The following NEB variants were observed in gnomAD, a reference collection of about 807,000 sequenced individuals.
The protein encoded by NEB is nebulin.
Under a neutral mutation model 952.2 loss-of-function variants are expected in NEB, and 512 were observed. That is an observed-to-expected ratio of 0.54 (90% CI 0.50 to 0.58). NEB has a LOEUF of 0.58. NEB is among the 20% of genes least tolerant of loss of function. The pLI is 0.00. For synonymous variants in NEB, 2,900 were observed against 3,149.8 expected, an observed-to-expected ratio of 0.92 and a Z score of 2.66; for missense variants, 8,428 against 9,231.1, an observed-to-expected ratio of 0.91 and a Z score of 3.56.
intron 23 of NEB, 139 bp from the exon 24 acceptor site, chr2:151,690,964 T>C: frequency 1.5e-6 from 1 of 650,894 alleles, no homozygotes. Context: ...TTCTCACTTC[T>C]CTGTCTGTCT....
intron 13 of NEB, 143 bp downstream of exon 13, chr2:151,706,738 G>A (rs2099708118): frequency 3.1e-6 from 2 of 647,268 alleles, no homozygotes; most frequent in Non-Finnish European, 5.4e-6. Flanking sequence ...ATGCCTTTCT[G>A]TGGTTACATA....
chr2:151,518,348 G>A lies in NEB; in HGVS notation c.22770C>T (p.His7590=), dbSNP rs1350349728. The change falls in exon 156 of 182, where the codon CAC becomes CAT. Residue 7590 remains histidine, a synonymous_variant. Coordinates refer to ENST00000397345, the MANE Select transcript of NEB (RefSeq NM_001164508.2). ...TCTGTAATTCTGTGGCCTCTTTTAG[G>A]TGAAGCTGCTCCAGATTATCGGGTA... ...HTIPDNLEQL[H]LKEATELQSI... The A allele has an allele frequency of 6.2e-7, 1 of 1,610,864 alleles. No homozygotes were observed. Among genetic ancestry groups the A allele is most frequent in the South Asian group, 1.1e-5 (1 of 90,986 alleles).
At chr2:151,562,338 C>A in intron 120 of NEB, 124 bp from the exon 121 acceptor site, 1 of 863,360 alleles carries the variant, frequency 1.2e-6, no homozygotes, top group Non-Finnish European at 1.9e-6. Context: ...GGCCTCTCAC[C>A]AGCTGGAAGG....
chr2:151,618,355 G>T lies in NEB; in HGVS notation c.10996C>A (p.Pro3666Thr). 6.2e-7 allele frequency: 1 copy of T among 1,613,950 alleles called. No homozygotes were observed. Among genetic ancestry groups the T allele is most frequent in the Non-Finnish European group, 8.5e-7 (1 of 1,179,842 alleles). The part of the protein sequence containing the change: ...LLSDTIYRQR[P>T]ETLKFTSITD... ...ATACTGGTAAATTTCAGCGTTTCTG[G>T]ACGCTGACGGTAGATAGTATCACTA... Residue 3666 changes from proline (P) to threonine (T), a missense_variant, in exon 74 of 182, where the codon CCA (proline) becomes ACA (threonine). Physicochemically the swap from Pro to Thr is conservative, Grantham distance 38. Around this residue, in one of 11 missense-constraint regions of NEB, gnomAD observed 1,772 missense variants for 1,960.3 expected, o/e 0.90. Coordinates refer to ENST00000397345, the MANE Select transcript of NEB (RefSeq NM_001164508.2).
intron 39 of NEB, among the ~76,000 whole-genome samples, chr2:151,668,758 T>G (rs2099250564): frequency 6.6e-6 from 1 of 152,220 alleles, no homozygotes; most frequent in South Asian, 2.1e-4. Flanking sequence ...CTTGTCTGTC[T>G]CATGTTCCAT....
At chr2:151,572,538 G>GTA (rs771548121) in intron 107 of NEB, among the ~76,000 whole-genome samples, 59 of 139,960 alleles carry the variant, frequency 4.2e-4, no homozygotes, top group African/African-American at 1.1e-3. Flanking sequence ...ATATATAAAA[G>GTA]TATATATATA....
At chr2:151,688,994 A>G (rs1435101423) in intron 24 of NEB, among the ~76,000 whole-genome samples, 1 of 151,992 alleles carries the variant, frequency 6.6e-6, no homozygotes, top group African/African-American at 2.4e-5. Flanking sequence ...GGAAAGCAAA[A>G]CCGTGGATAA....
chr2:151,647,576 T>G (rs1269639032), intron 54 of NEB, among the ~76,000 whole-genome samples: 1 of 152,204 alleles, frequency 6.6e-6, no homozygotes, highest in Non-Finnish European at 1.5e-5. Flanking sequence ...AACAAATTGA[T>G]ATCCTGTGCC....
At chr2:151,620,567 G>C (rs1052729823) in intron 72 of NEB, among the ~76,000 whole-genome samples, 1 of 151,750 alleles carries the variant, frequency 6.6e-6, no homozygotes, top group East Asian at 1.9e-4. Context: ...TTCAAGTGAT[G>C]GGGCAAACTC....
In NEB at chr2:151,684,134, A is replaced by G. The variant is rs186881590; in HGVS notation, c.2835+644T>C. ...CTGGGAAGATGAAAAGGCTCTGCAGATTGGTTGTACAACAATGTTAATATA... is the reference window on the plus strand; with the variant it reads ...CTGGGAAGATGAAAAGGCTCTGCAGGTTGGTTGTACAACAATGTTAATATA... On this transcript the variant is annotated intron_variant, in intron 28 of 181. Coordinates refer to ENST00000397345, the MANE Select transcript of NEB (RefSeq NM_001164508.2). Among the ~76,000 whole-genome samples the G allele has an allele frequency of 2.0e-5, 3 of 152,322 alleles. No homozygotes were observed. In the East Asian group the frequency reaches 5.8e-4, roughly 29 times the overall value.
chr2:151,560,205 T>C (rs555610870), intron 124 of NEB, among the ~76,000 whole-genome samples: 6 of 152,360 alleles, frequency 3.9e-5, no homozygotes, highest in African/African-American at 7.2e-5. Flanking sequence ...GATGGTATAA[T>C]AACCGGTTAT....
chr2:151,561,120 C>T lies in NEB; in HGVS notation c.19102-12G>A. ...TCTTTATATTTTACCTGTAGACAAG[C>T]AACAATAGGTTATTCACCTCTGTTG... On this transcript the variant is annotated splice_polypyrimidine_tract_variant and intron_variant, in intron 122 of 181. Transcript: ENST00000397345. 1.3e-6 allele frequency: 2 copies of T among 1,564,612 alleles called. No individual in the cohort carries two copies. Among genetic ancestry groups the T allele is most frequent in the Non-Finnish European group, 1.8e-6 (2 of 1,141,608 alleles).
intron 107 of NEB, among the ~76,000 whole-genome samples, chr2:151,572,382 T>C (rs2096661118): frequency 6.6e-6 from 1 of 151,432 alleles, no homozygotes. Context: ...TGCAAACGTG[T>C]ATTATGTTAT....
At chr2:151,631,890 T>C (rs2098674565) in intron 65 of NEB, among the ~76,000 whole-genome samples, 1 of 152,222 alleles carries the variant, frequency 6.6e-6, no homozygotes, top group Non-Finnish European at 1.5e-5. Flanking sequence ...TGGATTCTTA[T>C]TCCCTGCGAT....
chr2:151,518,451 T>C, intron 155 of NEB, 29 bp from the exon 156 acceptor site: 2 of 1,351,522 alleles, frequency 1.5e-6, no homozygotes, highest in East Asian at 2.3e-5. Context: ...AAAAGGCACA[T>C]TGATGGAGAA....
chr2:151,649,534 T>C (rs758956323), intron 54 of NEB, among the ~76,000 whole-genome samples: 6 of 152,206 alleles, frequency 3.9e-5, no homozygotes, highest in Non-Finnish European at 7.3e-5. Context: ...TACTTCAGTA[T>C]TCTGTAATGT....
intron 3 of NEB, among the ~76,000 whole-genome samples, chr2:151,730,250 G>A (rs962699778): frequency 2.0e-5 from 3 of 152,154 alleles, no homozygotes; most frequent in Admixed American, 1.3e-4. Context: ...GTCCTAAACA[G>A]AGTGGTGCTA....
Position 151,619,503 on chromosome 2 carries a change from G to A in NEB, c.10820C>T (p.Pro3607Leu). Residue 3607 changes from proline to leucine, a missense_variant, in exon 73 of 182, where the codon CCC becomes CTC. Physicochemically the swap from Pro to Leu is moderately conservative, Grantham distance 98 (BLOSUM62 -3). Around this residue, in one of 11 missense-constraint regions of NEB, gnomAD observed 1,772 missense variants for 1,960.3 expected, o/e 0.90. Transcript: ENST00000397345. ...TGCATGAATGATGTCATTCTGGTCG[G>A]GCAGGCAGATCCATTCATGCAGAGG... The part of the protein sequence containing the change: ...KHPLHEWICL[P>L]DQNDIIHARK... 6.2e-7 allele frequency: 1 copy of A among 1,613,180 alleles called. No homozygotes were observed. Among genetic ancestry groups the A allele is most frequent in the African/African-American group, 1.3e-5 (1 of 74,998 alleles).
intron 143 of NEB, among the ~76,000 whole-genome samples, chr2:151,532,324 TG>T: frequency 6.6e-6 from 1 of 152,322 alleles, no homozygotes; most frequent in African/African-American, 2.4e-5. Context: ...GACTAGAACC[TG>T]TTCTCTGGAG....
Sources: gnomAD v4.1 joint callset for allele counts (sites outside exome capture counted in the v4.1 genomes callset) on GRCh38, gnomAD v4.1.1 for gene constraint, gnomAD v4.1.1 regional missense constraint, MANE v1.5 for transcripts, NCBI Gene and HGNC (gene_info 2026-07-23, HGNC 2026-07-21) for gene names.